Variants in WDPCP observed in about 807,000 individuals in gnomAD.
WDPCP encodes WD repeat-containing and planar cell polarity effector protein fritz homolog.
A neutral mutation model predicts 93.1 loss-of-function variants in WDPCP; 71 were observed. The observed-to-expected ratio is 0.76, with a 90% confidence interval of 0.63 to 0.93. The LOEUF is 0.93. WDPCP is among the 40% of genes least tolerant of loss of function. The pLI, the probability that WDPCP is intolerant of heterozygous loss-of-function variation, is 0.00. For missense variants in WDPCP, 844 were observed against 887.4 expected (o/e 0.95, Z 0.62); for synonymous variants, 315 against 315.0 (o/e 1.00, Z 0.00).
chr2:63,818,924 T>C (rs543634808), intron 1 of WDPCP, among the ~76,000 whole-genome samples: 3 of 152,322 alleles, frequency 2.0e-5, no homozygotes, highest in Non-Finnish European at 2.9e-5. Flanking sequence ...ATATGGGTGC[T>C]GGCTGTGTAA....
At chr2:63,192,091 CTT>C (rs1420686737) in intron 14 of WDPCP, among the ~76,000 whole-genome samples, 1 of 152,120 alleles carries the variant, frequency 6.6e-6, no homozygotes, top group African/African-American at 2.4e-5. Flanking sequence ...TTTCTTGTCT[CTT>C]TCACTGTTTT....
chr2:63,687,852 A>T (rs1379850110), intron 2 of WDPCP, among the ~76,000 whole-genome samples: 1 of 152,228 alleles, frequency 6.6e-6, no homozygotes, highest in East Asian at 1.9e-4. Context: ...CCTAAATGAA[A>T]GGAAATCATG....
At chr2:63,770,652 T>C (rs554934626) in intron 2 of WDPCP, among the ~76,000 whole-genome samples, 8 of 152,102 alleles carry the variant, frequency 5.3e-5, no homozygotes, top group South Asian at 2.1e-4. Context: ...CTGAGGACTT[T>C]TGGACATCTC....
chr2:63,625,827 G>GA (rs1269995420), intron 3 of WDPCP, among the ~76,000 whole-genome samples: 16 of 152,184 alleles, frequency 1.1e-4, no homozygotes, highest in South Asian at 4.1e-4. Flanking sequence ...CACAGAATTA[G>GA]AAAAAACTAC....
At chr2:63,166,498 G>A (rs987606513) in intron 15 of WDPCP, among the ~76,000 whole-genome samples, 3 of 152,070 alleles carry the variant, frequency 2.0e-5, no homozygotes, top group African/African-American at 7.2e-5. Flanking sequence ...TCTGCCTCCC[G>A]GGTTTCAGCG....
intron 13 of WDPCP, among the ~76,000 whole-genome samples, chr2:63,277,850 G>A (rs2104910170): frequency 6.6e-6 from 1 of 152,296 alleles, no homozygotes; most frequent in South Asian, 2.1e-4. Flanking sequence ...AGGTCGTCAA[G>A]ACAGAAAGTC....
At chr2:63,607,037 G>A (rs376302021) in intron 3 of WDPCP, 57 of 1,544,982 alleles carry the variant, frequency 3.7e-5, no homozygotes, top group Middle Eastern at 3.4e-4. Flanking sequence ...TCTAAATGTC[G>A]TCTTTGACTC....
chr2:63,802,428 A>G (rs1391949536), intron 2 of WDPCP, among the ~76,000 whole-genome samples: 1 of 151,760 alleles, frequency 6.6e-6, no homozygotes, highest in Non-Finnish European at 1.5e-5. Flanking sequence ...CACCATTTAC[A>G]CTATTTTCTC....
intron 11 of WDPCP, among the ~76,000 whole-genome samples, chr2:63,379,337 T>C (rs1575275998): frequency 6.6e-6 from 1 of 152,294 alleles, no homozygotes; most frequent in Non-Finnish European, 1.5e-5. Flanking sequence ...AAACAATTCC[T>C]TATTTAGCAA....
intron 3 of WDPCP, among the ~76,000 whole-genome samples, chr2:63,637,934 GTAT>G (rs1204280015): frequency 6.6e-6 from 1 of 152,162 alleles, no homozygotes; most frequent in Non-Finnish European, 1.5e-5. Context: ...CCAAGTCTGA[GTAT>G]AGCTCTGAAG....
chr2:63,453,471 T>C (rs944161117), intron 6 of WDPCP, among the ~76,000 whole-genome samples: 3 of 152,004 alleles, frequency 2.0e-5, no homozygotes, highest in Non-Finnish European at 4.4e-5. Flanking sequence ...TGTGGAGAAA[T>C]AGGAACACTT....
upstream of WDPCP, chr2:63,593,433 C>G: frequency 2.6e-6 from 1 of 388,794 alleles, no homozygotes; most frequent in South Asian, 2.0e-5. Context: ...TCTTTGACTT[C>G]TATGAGTGAG....
At chr2:63,773,309 A>C (rs1670257052) in intron 2 of WDPCP, among the ~76,000 whole-genome samples, 1 of 152,052 alleles carries the variant, frequency 6.6e-6, no homozygotes, top group Admixed American at 6.6e-5. Flanking sequence ...TCTCATAAGC[A>C]ATATGTTGAA....
At chr2:63,589,191 A>G, upstream of WDPCP, 1 of 1,601,112 alleles carries the variant, frequency 6.2e-7, no homozygotes, top group South Asian at 1.1e-5. Context: ...TCTTCTGGGG[A>G]TTGCCGCAGT....
chr2:63,557,750 A>C (rs1333410245), intron 1 of WDPCP, among the ~76,000 whole-genome samples: 1 of 152,208 alleles, frequency 6.6e-6, no homozygotes, highest in African/African-American at 2.4e-5. Flanking sequence ...ATTGAAAGTA[A>C]AACACTCCTC....
intron 13 of WDPCP, among the ~76,000 whole-genome samples, chr2:63,305,604 C>T (rs1016863967): frequency 1.3e-5 from 2 of 151,984 alleles, no homozygotes; most frequent in Non-Finnish European, 2.9e-5. Flanking sequence ...GAGGAAAAAC[C>T]AGGGCAAAAA....
At chr2:63,533,429 C>A (rs1005564875) in intron 1 of WDPCP, among the ~76,000 whole-genome samples, 1 of 152,206 alleles carries the variant, frequency 6.6e-6, no homozygotes, top group Non-Finnish European at 1.5e-5. Flanking sequence ...TCACATCACA[C>A]TTATTCCAAA....
chr2:63,742,566 T>C (rs1669740211), intron 2 of WDPCP, among the ~76,000 whole-genome samples: 1 of 151,422 alleles, frequency 6.6e-6, no homozygotes, highest in African/African-American at 2.4e-5. Flanking sequence ...CCTCGTCTTG[T>C]TCAATCTATT....
chr2:63,453,107 C>T (rs1286114723), intron 6 of WDPCP, among the ~76,000 whole-genome samples: 1 of 152,170 alleles, frequency 6.6e-6, no homozygotes, highest in Admixed American at 6.5e-5. Context: ...TCTAATTAAA[C>T]TAAAGAGCTT....
Sources: allele counts gnomAD v4.1 joint callset (sites outside exome capture counted in the v4.1 genomes callset), GRCh38; gene constraint gnomAD v4.1.1; transcripts MANE v1.5; gene names NCBI Gene and HGNC (gene_info 2026-07-23, HGNC 2026-07-21).